Variants in BEND7 observed in about 807,000 individuals in gnomAD.
The protein encoded by BEND7 is BEN domain-containing protein 7.
BEND7 carries 28 observed loss-of-function variants against 50.9 expected under a neutral mutation model. That is an observed-to-expected ratio of 0.55 (90% CI 0.41 to 0.75). The LOEUF is 0.75. BEND7 is among the 30% of genes least tolerant of loss of function. The pLI is 0.00. For missense variants in BEND7, 477 were observed against 491.3 expected (o/e 0.97, Z 0.28); for synonymous variants, 170 against 183.9 (o/e 0.92, Z 0.61).
At chr10:13,443,057 GAAGA>G (rs1177120844) in intron 8 of BEND7, 1 of 152,170 alleles carries the variant, frequency 6.6e-6, no homozygotes, top group Non-Finnish European at 1.5e-5. Flanking sequence ...TGAAAACAGG[GAAGA>G]GAGAACCACT....
intron 2 of BEND7, among the ~76,000 whole-genome samples, chr10:13,501,374 CAAAAAAAAAAA>C (rs58905816): frequency 6.1e-3 from 442 of 72,974 alleles, no homozygotes; most frequent in Middle Eastern, 0.017. Context: ...AACTCCATCT[CAAAAAAAAAAA>C]AAAAAAAAAA....
intron 8 of BEND7, chr10:13,443,836 G>C (rs1485061264): frequency 6.6e-6 from 1 of 152,188 alleles, no homozygotes. Context: ...GATCTCCACT[G>C]TATAAATAAA....
At chr10:13,439,806 T>C (rs1835109143), downstream of BEND7, among the ~76,000 whole-genome samples, 1 of 152,210 alleles carries the variant, frequency 6.6e-6, no homozygotes, top group South Asian at 2.1e-4. Context: ...AAGATAGGAC[T>C]CCGATCAACA....
At chr10:13,517,212 T>C (rs757957935) in intron 2 of BEND7, among the ~76,000 whole-genome samples, 2 of 152,040 alleles carry the variant, frequency 1.3e-5, no homozygotes, top group Non-Finnish European at 2.9e-5. Flanking sequence ...CTATGCAGCA[T>C]GACACCTGGC....
chr10:13,505,585 G>A (rs1299914075), intron 2 of BEND7, among the ~76,000 whole-genome samples: 1 of 152,208 alleles, frequency 6.6e-6, no homozygotes, highest in Non-Finnish European at 1.5e-5. Flanking sequence ...CTCTCACACT[G>A]TGCTTGTGCC....
intron 2 of BEND7, among the ~76,000 whole-genome samples, chr10:13,518,950 G>T (rs2078890366): frequency 6.6e-6 from 1 of 152,128 alleles, no homozygotes; most frequent in Non-Finnish European, 1.5e-5. Flanking sequence ...ATGAACTCAG[G>T]TCACATTTGC....
intron 6 of BEND7, among the ~76,000 whole-genome samples, chr10:13,463,351 G>A (rs1469331788): frequency 6.6e-6 from 1 of 152,184 alleles, no homozygotes; most frequent in African/African-American, 2.4e-5. Flanking sequence ...AGGGGAGGAG[G>A]AGTGCAGAGG....
chr10:13,511,726 T>C (rs2078285991), intron 2 of BEND7, among the ~76,000 whole-genome samples: 1 of 152,210 alleles, frequency 6.6e-6, no homozygotes, highest in Admixed American at 6.5e-5. Flanking sequence ...GCACTTAGTA[T>C]GTACCAGGCC....
intron 5 of BEND7, among the ~76,000 whole-genome samples, chr10:13,483,175 A>G (rs570542887): frequency 5.2e-4 from 79 of 152,256 alleles, no homozygotes; most frequent in African/African-American, 1.8e-3. Flanking sequence ...TTACTTATAT[A>G]ATCTCAGTTT....
chr10:13,455,633 C>T (rs898332663), intron 6 of BEND7, among the ~76,000 whole-genome samples: 2 of 152,070 alleles, frequency 1.3e-5, no homozygotes, highest in South Asian at 2.1e-4. Flanking sequence ...AAGGAGGAGA[C>T]GGTCAAAGGC....
At chr10:13,488,086 CAA>C (rs753018197) in intron 5 of BEND7, among the ~76,000 whole-genome samples, 4,284 of 68,464 alleles carry the variant, frequency 0.063, 150 homozygotes, top group African/African-American at 0.16. Context: ...GTCTCAATTA[CAA>C]AAAAAAAAAA....
chr10:13,447,706 G>A (rs1432392460), intron 7 of BEND7, among the ~76,000 whole-genome samples: 1 of 151,944 alleles, frequency 6.6e-6, no homozygotes, highest in Non-Finnish European at 1.5e-5. Context: ...ACCACGCCTG[G>A]CTAATTTTTT....
chr10:13,438,888 G>C (rs1835034092), downstream of BEND7: 1 of 370,696 alleles, frequency 2.7e-6, no homozygotes, highest in Non-Finnish European at 5.0e-6. Context: ...CTTGGGTTCT[G>C]TGATAAAGGC....
chr10:13,503,089 T>C (rs188257913), intron 2 of BEND7: 2 of 187,032 alleles, frequency 1.1e-5, no homozygotes, highest in East Asian at 1.9e-4. Flanking sequence ...CTTATGCCTA[T>C]GAAAAGTACA....
At chr10:13,451,388 T>C (rs1837667428) in intron 7 of BEND7, among the ~76,000 whole-genome samples, 2 of 151,336 alleles carry the variant, frequency 1.3e-5, no homozygotes, top group Admixed American at 1.3e-4. Flanking sequence ...TTTTGGTGTG[T>C]GTGTGTGTGT....
chr10:13,471,915 C>T (rs1274356976), intron 6 of BEND7, among the ~76,000 whole-genome samples: 12 of 152,088 alleles, frequency 7.9e-5, no homozygotes, highest in Admixed American at 7.2e-4. Flanking sequence ...GGCCGATACC[C>T]GTCATCACTG....
chr10:13,496,846 C>G lies in BEND7; in HGVS notation c.491G>C (p.Cys164Ser). 1.9e-6 allele frequency: 3 copies of G among 1,605,636 alleles called. No homozygotes were observed. Among genetic ancestry groups the G allele is most frequent in the Non-Finnish European group, 2.5e-6 (3 of 1,177,228 alleles). The stretch of plus-strand genomic sequence containing the variant: ...CAACGTTGACTGGCAGTTACAAGTA[C>G]AGCAGTTTGATCCAGCTGATGAATT... Reference protein sequence around the residue: ...VVNSSAGSNCCTCNCQSTLQA... With the variant: ...VVNSSAGSNCSTCNCQSTLQA... The change falls in exon 4 of 9, where the codon TGT (cysteine) becomes TCT (serine). Residue 164 changes from cysteine to serine, a missense_variant. Physicochemically the swap from Cys to Ser is moderately radical, Grantham distance 112. Transcript: ENST00000466271.
At chr10:13,520,332 C>T (rs141477475) in intron 2 of BEND7, among the ~76,000 whole-genome samples, 1 of 152,086 alleles carries the variant, frequency 6.6e-6, no homozygotes, top group Non-Finnish European at 1.5e-5. Context: ...ATAGCTCCTG[C>T]CCACCCCATT....
chr10:13,452,730 T>A, intron 6 of BEND7, 72 bp from the exon 7 acceptor site: 1 of 1,388,334 alleles, frequency 7.2e-7, no homozygotes, highest in Admixed American at 2.3e-5. Flanking sequence ...AGAAATATAT[T>A]CTAAAAAGAA....
Sources: gnomAD v4.1 joint callset for allele counts (sites outside exome capture counted in the v4.1 genomes callset) on GRCh38, gnomAD v4.1.1 for gene constraint, MANE v1.5 for transcripts, NCBI Gene and HGNC (gene_info 2026-07-23, HGNC 2026-07-21) for gene names.